The following ARFIP1 variants were observed in gnomAD, a reference collection of about 807,000 sequenced individuals.
The protein encoded by ARFIP1 is ARF interacting protein 1, also known as arfaptin-1.
Under a neutral mutation model 42.5 loss-of-function variants are expected in ARFIP1, and 24 were observed. The ratio of observed to expected loss-of-function variants is 0.57; its 90% CI spans 0.41 to 0.80. The LOEUF is 0.80. Ranked by LOEUF, ARFIP1 falls within the 30% of genes least tolerant of loss-of-function variation. ARFIP1 has a pLI of 0.00. For synonymous variants in ARFIP1, 141 were observed against 153.7 expected (o/e 0.92, Z 0.61); for missense variants, 354 against 434.0 (o/e 0.82, Z 1.64).
chr4:152,862,596 G>C (rs770975320), intron 2 of ARFIP1, among the ~76,000 whole-genome samples: 2 of 152,052 alleles, frequency 1.3e-5, no homozygotes, highest in African/African-American at 4.8e-5. Flanking sequence ...TCTAAAATCT[G>C]CTATCTTAAA....
intron 1 of ARFIP1, among the ~76,000 whole-genome samples, chr4:152,811,856 G>A (rs909695479): frequency 1.3e-5 from 2 of 151,914 alleles, no homozygotes; most frequent in Non-Finnish European, 2.9e-5. Context: ...TTATTCTGCC[G>A]ATTTGTATGT....
At chr4:152,804,130 A>C (rs28438607) in intron 1 of ARFIP1, among the ~76,000 whole-genome samples, 1 of 122,274 alleles carries the variant, frequency 8.2e-6, no homozygotes, top group East Asian at 2.2e-4. Context: ...ATTATATATT[A>C]TATATAATAT....
intron 8 of ARFIP1, among the ~76,000 whole-genome samples, chr4:152,908,361 C>T (rs534102614): frequency 2.6e-5 from 4 of 152,308 alleles, no homozygotes; most frequent in African/African-American, 7.2e-5. Context: ...CACGGTGACT[C>T]ACGCCTGTAA....
At chr4:152,796,796 G>C in intron 1 of ARFIP1, 1 of 682,344 alleles carries the variant, frequency 1.5e-6, no homozygotes, top group Non-Finnish European at 2.7e-6. Context: ...AAATGGTATA[G>C]CATTTATGGT....
rs890239460 is a variant in ARFIP1, at chr4:152,780,232, G to C, written c.-10+6G>C. ...ACCGAGTTACCCTAAGAAAGGTGAG[G>C]GCGGAGCTGGCTCGCCTGGGAAAAG... is the stretch of plus-strand genomic sequence containing the variant. On this transcript the variant is annotated splice_donor_region_variant and intron_variant, in intron 1 of 8. Coordinates refer to ENST00000353617, the MANE Select transcript of ARFIP1 (RefSeq NM_001025595.3). 2 of 152,344 alleles carry C rather than the reference G, an allele frequency of 1.3e-5. No homozygotes were observed. The highest frequency in any genetic ancestry group is 4.8e-5 in the African/African-American group (2 of 41,446). The allele number at this position is 152,344 out of a possible 1,614,324, so 9.4% of individuals were successfully genotyped here.
chr4:152,867,249 C>T lies in ARFIP1; in HGVS notation c.203-3504C>T, dbSNP rs532115151. ...GAGACTCCGTCTGCAATCCCGGCAC[C>T]TCGGGAGGCTGAGGCTGGCGGATCA... On this transcript the variant is annotated intron_variant, in intron 3 of 8. Transcript: ENST00000353617. Among the ~76,000 whole-genome samples, 478 of 152,320 alleles carry T rather than the reference C, an allele frequency of 3.1e-3. 2 individuals carry two copies. The highest frequency in any genetic ancestry group is 4.5e-3 in the Non-Finnish European group (304 of 68,030).
intron 1 of ARFIP1, among the ~76,000 whole-genome samples, chr4:152,821,262 A>C (rs1730342798): frequency 6.6e-6 from 1 of 152,218 alleles, no homozygotes; most frequent in African/African-American, 2.4e-5. Context: ...TCAGGATATG[A>C]ATGAAAATTT....
chr4:152,877,451 T>C lies in ARFIP1; in HGVS notation c.412-3512T>C, dbSNP rs535108212. Among the ~76,000 whole-genome samples, 254 of 152,300 alleles carry C rather than the reference T, an allele frequency of 1.7e-3. 1 individual carries two copies. The highest frequency in any genetic ancestry group is 3.3e-3 in the South Asian group (16 of 4,832). On this transcript the variant is annotated intron_variant, in intron 5 of 8. Coordinates refer to ENST00000353617, the MANE Select transcript of ARFIP1 (RefSeq NM_001025595.3). ...AATGGCTATATTTACCCAATACCTG[T>C]ACCCCCATTGTATCTAGGAAGTAAC... is the stretch of plus-strand genomic sequence containing the variant.
chr4:152,909,068 T>C (rs1738622998), intron 8 of ARFIP1, among the ~76,000 whole-genome samples: 1 of 152,224 alleles, frequency 6.6e-6, no homozygotes, highest in Non-Finnish European at 1.5e-5. Context: ...AGAATTCTTA[T>C]TTAACATTTT....
At chr4:152,780,543 C>T (rs568733707) in intron 1 of ARFIP1, among the ~76,000 whole-genome samples, 8 of 152,304 alleles carry the variant, frequency 5.3e-5, no homozygotes, top group Admixed American at 1.3e-4. Context: ...CCTTTCTTGA[C>T]AAAGTGTCGG....
At chr4:152,820,201 C>T (rs113164551) in intron 1 of ARFIP1, among the ~76,000 whole-genome samples, 187 of 151,992 alleles carry the variant, frequency 1.2e-3, no homozygotes, top group African/African-American at 4.3e-3. Flanking sequence ...AGGCTGGGAC[C>T]TCTGCCCACC....
intron 8 of ARFIP1, among the ~76,000 whole-genome samples, chr4:152,894,602 G>A (rs1171426085): frequency 6.6e-6 from 1 of 152,162 alleles, no homozygotes; most frequent in African/African-American, 2.4e-5. Context: ...ATAGGTGAAA[G>A]AACTACCTGG....
At chr4:152,873,021 G>A (rs1735018868) in intron 5 of ARFIP1, among the ~76,000 whole-genome samples, 1 of 152,156 alleles carries the variant, frequency 6.6e-6, no homozygotes. Flanking sequence ...TCTAAAGTTT[G>A]TTAACATTCT....
intron 2 of ARFIP1, among the ~76,000 whole-genome samples, chr4:152,840,332 G>A (rs2149855323): frequency 6.6e-6 from 1 of 152,232 alleles, no homozygotes; most frequent in African/African-American, 2.4e-5. Context: ...GACCTGTCTA[G>A]TGCTGTCAGT....
At chr4:152,788,680 C>T (rs1561096416) in intron 1 of ARFIP1, among the ~76,000 whole-genome samples, 5 of 151,314 alleles carry the variant, frequency 3.3e-5, no homozygotes, top group African/African-American at 1.2e-4. Context: ...GACTCCATCT[C>T]AAAAAAACAA....
intron 2 of ARFIP1, among the ~76,000 whole-genome samples, chr4:152,863,255 A>C (rs1341666074): frequency 6.6e-6 from 1 of 152,184 alleles, no homozygotes; most frequent in Non-Finnish European, 1.5e-5. Flanking sequence ...GTCAGCTTTT[A>C]CATATTAGAC....
chr4:152,897,529 G>A (rs1351525029), intron 8 of ARFIP1, among the ~76,000 whole-genome samples: 1 of 152,156 alleles, frequency 6.6e-6, no homozygotes, highest in African/African-American at 2.4e-5. Flanking sequence ...TTACTATAGA[G>A]TAGGATTAGA....
chr4:152,872,286 A>G (rs1476063006), intron 4 of ARFIP1, among the ~76,000 whole-genome samples, 166 bp from the exon 5 acceptor site: 1 of 152,138 alleles, frequency 6.6e-6, no homozygotes, highest in East Asian at 1.9e-4. Context: ...AGTAATTAGG[A>G]AACTATCCTC....
chr4:152,831,630 A>G (rs1731246472), intron 2 of ARFIP1, among the ~76,000 whole-genome samples: 1 of 152,208 alleles, frequency 6.6e-6, no homozygotes, highest in Non-Finnish European at 1.5e-5. Flanking sequence ...ACCTAACTCT[A>G]TAATCATAAA....
Sources: gnomAD v4.1 joint callset for allele counts (sites outside exome capture counted in the v4.1 genomes callset) on GRCh38, gnomAD v4.1.1 for gene constraint, MANE v1.5 for transcripts, NCBI Gene and HGNC (gene_info 2026-07-23, HGNC 2026-07-21) for gene names.